Variants in CALD1 observed in about 807,000 individuals in gnomAD.
CALD1 encodes caldesmon 1.
In CALD1, 33 loss-of-function variants were observed where a neutral mutation model predicts 99.9. The ratio of observed to expected loss-of-function variants is 0.33; its 90% CI spans 0.25 to 0.44. The LOEUF (loss-of-function observed/expected upper bound fraction) is 0.44, where lower values mean the gene tolerates loss of function less well. CALD1 is among the 20% of genes least tolerant of loss of function. The pLI is 1.00. For missense variants in CALD1, 861 were observed against 962.1 expected (o/e 0.89, Z 1.39); for synonymous variants, 310 against 325.0 (o/e 0.95, Z 0.50).
At chr7:134,780,188 G>A (rs755453340) in intron 1 of CALD1, among the ~76,000 whole-genome samples, 17 of 152,182 alleles carry the variant, frequency 1.1e-4, no homozygotes, top group Non-Finnish European at 2.4e-4. Context: ...AATCCTTTAG[G>A]TTGATGAGAA....
At chr7:134,824,808 G>C (rs992518008) in intron 1 of CALD1, among the ~76,000 whole-genome samples, 1 of 152,032 alleles carries the variant, frequency 6.6e-6, no homozygotes, top group Non-Finnish European at 1.5e-5. Context: ...CTCAACAGAA[G>C]GGTTAAAAGA....
intron 1 of CALD1, among the ~76,000 whole-genome samples, chr7:134,771,117 G>A (rs139425752): frequency 6.6e-6 from 1 of 152,296 alleles, no homozygotes; most frequent in African/African-American, 2.4e-5. Flanking sequence ...TTTCTGGGCT[G>A]TAAATATTGG....
intron 3 of CALD1, among the ~76,000 whole-genome samples, chr7:134,886,642 G>C (rs868438638): frequency 7.2e-5 from 11 of 152,330 alleles, no homozygotes; most frequent in South Asian, 2.1e-4. Flanking sequence ...GCCTAGAAAA[G>C]ACGAGACTAA....
intron 3 of CALD1, among the ~76,000 whole-genome samples, chr7:134,918,144 G>A (rs1046588601): frequency 6.6e-6 from 1 of 152,142 alleles, no homozygotes; most frequent in Non-Finnish European, 1.5e-5. Flanking sequence ...ATATTTACTG[G>A]GGTTGGCAGA....
the CALD1 span, among the ~76,000 whole-genome samples, chr7:134,736,698 G>C: frequency 6.6e-6 from 1 of 152,224 alleles, no homozygotes; most frequent in South Asian, 2.1e-4. Flanking sequence ...ACATCACAGA[G>C]AGGATGGGCC....
chr7:134,750,984 T>G (rs996462482), intron 1 of CALD1, among the ~76,000 whole-genome samples: 3 of 152,202 alleles, frequency 2.0e-5, no homozygotes, highest in Non-Finnish European at 4.4e-5. Flanking sequence ...CATCACTGTA[T>G]TTTAATCTGA....
intron 3 of CALD1, among the ~76,000 whole-genome samples, chr7:134,872,000 G>A (rs567010056): frequency 2.0e-4 from 31 of 152,266 alleles, no homozygotes; most frequent in Admixed American, 7.8e-4. Context: ...AGACTCTGTC[G>A]TCCACATATC....
the CALD1 span, among the ~76,000 whole-genome samples, chr7:134,715,875 A>C: frequency 1.6e-4 from 25 of 152,346 alleles, no homozygotes; most frequent in Non-Finnish European, 3.7e-4. Context: ...TTATGGAGCT[A>C]AAAGTTACTG....
chr7:134,877,652 A>G (rs1256077570), intron 3 of CALD1, among the ~76,000 whole-genome samples: 3 of 152,200 alleles, frequency 2.0e-5, no homozygotes, highest in Non-Finnish European at 2.9e-5. Context: ...ACAATACAGT[A>G]TAACAACTAT....
At chr7:134,859,510 A>G (rs1209985531) in intron 2 of CALD1, among the ~76,000 whole-genome samples, 3 of 152,198 alleles carry the variant, frequency 2.0e-5, no homozygotes, top group Non-Finnish European at 2.9e-5. Context: ...AAGAAAACAG[A>G]AGAAGTCGTG....
At position 134,933,922 on chromosome 7, in the gene CALD1, G is replaced by A. The variant is rs187878127; in HGVS notation, c.1153G>A (p.Glu385Lys). The change falls in exon 5 of 15, where the codon GAG becomes AAG. Residue 385 changes from glutamate to lysine, a missense_variant. This residue lies in a region of CALD1 where 293 missense variants were observed against 262.7 expected (regional missense o/e 1.12). Transcript: ENST00000361675. Reference sequence around the variant, plus strand: ...GGAGGAAGAGAAGGCTAAGGTAGAAGAGCAGAAACGTAACAAGCAGCTAGA... The same window carrying A: ...GGAGGAAGAGAAGGCTAAGGTAGAAAAGCAGAAACGTAACAAGCAGCTAGA... ...AEEEEKAKVE[E>K]QKRNKQLEEK... 41 of 1,613,952 alleles carry A rather than the reference G, an allele frequency of 2.5e-5. No individual in the cohort carries two copies. In the Admixed American group the frequency reaches 4.7e-4, roughly 18 times the overall value.
intron 3 of CALD1, among the ~76,000 whole-genome samples, chr7:134,899,278 A>G (rs1349209846): frequency 1.3e-5 from 2 of 148,458 alleles, no homozygotes; most frequent in African/African-American, 5.0e-5. Flanking sequence ...ATCTCGGCTC[A>G]CTACAACCTC....
At chr7:134,712,386 C>T in the CALD1 span, among the ~76,000 whole-genome samples, 2 of 152,162 alleles carry the variant, frequency 1.3e-5, no homozygotes, top group Non-Finnish European at 2.9e-5. Flanking sequence ...AGATGGGACC[C>T]GGAAGACAAA....
chr7:134,845,070 G>A (rs973165603), intron 2 of CALD1, among the ~76,000 whole-genome samples: 7 of 151,904 alleles, frequency 4.6e-5, no homozygotes, highest in Admixed American at 3.3e-4. Context: ...ATTGCACGTG[G>A]GCTTCCCTCT....
chr7:134,853,417 A>C (rs528526223), intron 2 of CALD1, among the ~76,000 whole-genome samples: 1 of 152,350 alleles, frequency 6.6e-6, no homozygotes, highest in African/African-American at 2.4e-5. Context: ...ATGTCTCTAT[A>C]TATATTAATG....
chr7:134,955,258 C>T (rs1807674244), intron 9 of CALD1, among the ~76,000 whole-genome samples: 1 of 152,040 alleles, frequency 6.6e-6, no homozygotes. Context: ...GGCATGGTGG[C>T]GCGCATCTGT....
the CALD1 span, among the ~76,000 whole-genome samples, chr7:134,729,328 C>G: frequency 6.6e-6 from 1 of 152,184 alleles, no homozygotes; most frequent in Non-Finnish European, 1.5e-5. Flanking sequence ...ACAGAGAAGT[C>G]AAATGACTCA....
chr7:134,726,031 G>C, the CALD1 span, among the ~76,000 whole-genome samples: 1 of 152,108 alleles, frequency 6.6e-6, no homozygotes, highest in Non-Finnish European at 1.5e-5. Flanking sequence ...CTAAATTTGG[G>C]TAATTTGTTA....
intron 3 of CALD1, among the ~76,000 whole-genome samples, chr7:134,900,636 C>A (rs2132599987): frequency 6.6e-6 from 1 of 152,212 alleles, no homozygotes; most frequent in South Asian, 2.1e-4. Flanking sequence ...ATTTAGATCC[C>A]ACTCATGACA....
Sources: allele counts gnomAD v4.1 joint callset (sites outside exome capture counted in the v4.1 genomes callset), GRCh38; gene constraint gnomAD v4.1.1; regional missense constraint gnomAD v4.1.1; transcripts MANE v1.5; gene names NCBI Gene and HGNC (gene_info 2026-07-23, HGNC 2026-07-21).